ANKS1B: variants seen among roughly 807,000 people sequenced by gnomAD.
ANKS1B encodes the protein ankyrin repeat and sterile alpha motif domain-containing protein 1B.
A neutral mutation model predicts 148.3 loss-of-function variants in ANKS1B; 36 were observed. The ratio of observed to expected loss-of-function variants is 0.24; its 90% CI spans 0.19 to 0.32. The LOEUF (loss-of-function observed/expected upper bound fraction) is 0.32, where lower values mean the gene tolerates loss of function less well. Among genes scored for constraint, ANKS1B ranks in the 10% least tolerant of loss-of-function variants. ANKS1B has a pLI of 1.00. For synonymous variants in ANKS1B, 542 were observed against 560.8 expected (o/e 0.97, Z 0.47); for missense variants, 1,157 against 1,542.6 (o/e 0.75, Z 4.19).
chr12:98,798,224 C>T (rs951966167), intron 22 of ANKS1B, among the ~76,000 whole-genome samples: 6 of 151,316 alleles, frequency 4.0e-5, no homozygotes, highest in South Asian at 2.1e-4. Flanking sequence ...CAGGTTCAAG[C>T]GATTCTCCTG....
At chr12:99,551,368 C>G (rs2097215753) in intron 9 of ANKS1B, among the ~76,000 whole-genome samples, 5 of 152,100 alleles carry the variant, frequency 3.3e-5, no homozygotes, top group Admixed American at 3.3e-4. Context: ...CTAGCTATGT[C>G]TCTTTAGGGC....
intron 17 of ANKS1B, among the ~76,000 whole-genome samples, chr12:98,931,947 GA>G (rs2099814022): frequency 2.0e-5 from 3 of 152,136 alleles, no homozygotes; most frequent in Admixed American, 2.0e-4. Flanking sequence ...CTGTGCATTT[GA>G]TCTTAACAAG....
At chr12:99,132,309 G>C (rs1600682936) in intron 15 of ANKS1B, among the ~76,000 whole-genome samples, 1 of 152,080 alleles carries the variant, frequency 6.6e-6, no homozygotes, top group Non-Finnish European at 1.5e-5. Context: ...AGAAAAATCA[G>C]CTAGGAGGAA....
At chr12:99,473,042 A>G (rs973100869) in intron 10 of ANKS1B, among the ~76,000 whole-genome samples, 37 of 151,914 alleles carry the variant, frequency 2.4e-4, no homozygotes, top group Non-Finnish European at 8.8e-5. Flanking sequence ...TACTTTTAAA[A>G]TCTCTTTTAT....
At position 98,931,101 on chromosome 12, in the gene ANKS1B, G is replaced by A. The variant is rs182295758; in HGVS notation, c.2779-98965C>T. ...GCCTGAGGATAATCAGAGTTGTTAGGCTACTCTCCTGTCCTGGAAAGTGAA... is the reference window on the plus strand; with the variant it reads ...GCCTGAGGATAATCAGAGTTGTTAGACTACTCTCCTGTCCTGGAAAGTGAA... On this transcript the variant is annotated intron_variant, in intron 17 of 26. Transcript: ENST00000683438. Among the ~76,000 whole-genome samples, 313 of 152,216 alleles carry A rather than the reference G, an allele frequency of 2.1e-3. 3 individuals carry two copies. Among genetic ancestry groups the A allele is most frequent in the African/African-American group, 7.2e-3 (299 of 41,544 alleles).
intron 17 of ANKS1B, among the ~76,000 whole-genome samples, chr12:99,006,832 T>C (rs1247664489): frequency 6.6e-6 from 1 of 152,234 alleles, no homozygotes; most frequent in East Asian, 1.9e-4. Flanking sequence ...TCTTCTGTCA[T>C]TTAGTATGCA....
intron 9 of ANKS1B, among the ~76,000 whole-genome samples, chr12:99,652,705 TTTAATAATGGATAA>T (rs1378414862): frequency 1.3e-5 from 2 of 152,114 alleles, no homozygotes; most frequent in Non-Finnish European, 2.9e-5. Flanking sequence ...CTAGTTTTAA[TTTAATAATGGATAA>T]TACCAACACT....
chr12:99,881,581 G>C (rs896033421), intron 1 of ANKS1B, among the ~76,000 whole-genome samples: 2 of 152,166 alleles, frequency 1.3e-5, no homozygotes, highest in Admixed American at 6.6e-5. Flanking sequence ...ATATGAGCCC[G>C]TCCTGAGCTG....
chr12:98,812,637 G>A (rs1489179362), intron 19 of ANKS1B, among the ~76,000 whole-genome samples: 2 of 151,972 alleles, frequency 1.3e-5, no homozygotes, highest in African/African-American at 4.8e-5. Flanking sequence ...GCAGGGGTGC[G>A]ATCTCGGCTC....
intron 20 of ANKS1B, among the ~76,000 whole-genome samples, chr12:98,806,117 C>A (rs1308278166): frequency 6.6e-6 from 1 of 152,196 alleles, no homozygotes; most frequent in Non-Finnish European, 1.5e-5. Context: ...AGTGATCCAC[C>A]CGCCTTGGCC....
At chr12:99,509,869 C>A (rs1255686727) in intron 9 of ANKS1B, among the ~76,000 whole-genome samples, 4 of 151,982 alleles carry the variant, frequency 2.6e-5, no homozygotes, top group Non-Finnish European at 5.9e-5. Context: ...GACAGTCCAA[C>A]TCTTTTGTTA....
At chr12:99,544,308 A>C (rs1442690266) in intron 9 of ANKS1B, among the ~76,000 whole-genome samples, 1 of 152,086 alleles carries the variant, frequency 6.6e-6, no homozygotes, top group Non-Finnish European at 1.5e-5. Context: ...AGTGACAGTC[A>C]ATGTAGTAGG....
chr12:98,954,151 T>C (rs1361740413), intron 17 of ANKS1B, among the ~76,000 whole-genome samples: 3 of 152,228 alleles, frequency 2.0e-5, no homozygotes, highest in African/African-American at 7.2e-5. Context: ...GAAACACTTG[T>C]CTGTCCCATT....
intron 11 of ANKS1B, among the ~76,000 whole-genome samples, chr12:99,431,304 G>A (rs2095366436): frequency 1.3e-5 from 2 of 152,102 alleles, no homozygotes; most frequent in South Asian, 4.2e-4. Flanking sequence ...AAAGTAGACA[G>A]TGTGTAGATA....
At chr12:98,947,034 A>G (rs1440991554) in intron 17 of ANKS1B, among the ~76,000 whole-genome samples, 1 of 151,142 alleles carries the variant, frequency 6.6e-6, no homozygotes, top group East Asian at 1.9e-4. Context: ...TTTTCTAGGC[A>G]GAGGATACTG....
At chr12:99,355,242 A>T (rs1046349148) in intron 12 of ANKS1B, among the ~76,000 whole-genome samples, 14 of 152,190 alleles carry the variant, frequency 9.2e-5, no homozygotes, top group Middle Eastern at 3.4e-3. Context: ...TAATAAGGTG[A>T]CTGTGCTTCA....
chr12:99,472,443 G>C (rs150427849), intron 10 of ANKS1B, among the ~76,000 whole-genome samples: 3,133 of 152,152 alleles, frequency 0.021, 38 homozygotes, highest in Middle Eastern at 0.041. Flanking sequence ...CCTAAGTATA[G>C]TACTGGATGT....
chr12:98,735,113 A>C (rs752145548), exon 10 of ANKS1B: 1 of 398,450 alleles, frequency 2.5e-6, no homozygotes, highest in Non-Finnish European at 4.4e-6. Context: ...ACAAGGTAAC[A>C]TGAAGAAAGA....
At chr12:98,837,146 A>G (rs965292027) in intron 17 of ANKS1B, among the ~76,000 whole-genome samples, 3 of 150,050 alleles carry the variant, frequency 2.0e-5, no homozygotes, top group African/African-American at 7.3e-5. Context: ...CCTGGCTAAC[A>G]CAGTGAAACC....
Sources: allele counts gnomAD v4.1 joint callset (sites outside exome capture counted in the v4.1 genomes callset), GRCh38; gene constraint gnomAD v4.1.1; transcripts MANE v1.5; gene names NCBI Gene and HGNC (gene_info 2026-07-23, HGNC 2026-07-21).